The following SYNCRIP variants were observed in gnomAD, a reference collection of about 807,000 sequenced individuals.
SYNCRIP encodes the protein heterogeneous nuclear ribonucleoprotein Q.
A neutral mutation model predicts 68.9 loss-of-function variants in SYNCRIP; 9 were observed. The observed-to-expected ratio is 0.13, with a 90% confidence interval of 0.08 to 0.23. The LOEUF (loss-of-function observed/expected upper bound fraction) is 0.23, where lower values mean the gene tolerates loss of function less well. Among genes scored for constraint, SYNCRIP ranks in the 10% least tolerant of loss-of-function variants. The probability of loss-of-function intolerance (pLI) is 1.00; values close to 1 mark genes in which losing one functional copy is unlikely to be tolerated. For missense variants in SYNCRIP, 414 were observed against 770.6 expected (o/e 0.54, Z 5.48); for synonymous variants, 258 against 254.0 (o/e 1.02, Z -0.15).
rs4354118 is a variant in SYNCRIP, at chr6:85,640,698, A to C, written c.149-134T>G. 2,521 of 553,396 alleles carry C rather than the reference A, an allele frequency of 4.6e-3. 21 individuals carry two copies. Among genetic ancestry groups the C allele is most frequent in the South Asian group, 0.021 (665 of 32,338 alleles). 34.3% of individuals were successfully genotyped at this position (553,396 alleles called of 1,614,324 possible). On this transcript the variant is annotated intron_variant, in intron 2 of 10. Transcript: ENST00000369622. ...CCTCATCTATACCTGAAAAAAAAAA[A>C]ACACACACTTCAGCCACTCTGAACT...
intron 1 of SYNCRIP, among the ~76,000 whole-genome samples, chr6:85,642,150 C>T (rs1809246989): frequency 6.6e-6 from 1 of 152,172 alleles, no homozygotes; most frequent in Non-Finnish European, 1.5e-5. Flanking sequence ...AAAGCTGCAG[C>T]AGCACAATCT....
rs752235597 is a variant in SYNCRIP at position 85,624,034 on chromosome 6, A to G, written c.745T>C (p.Ser249Pro). Reference protein sequence around the residue: ...SVANNRLFVGSIPKSKTKEQI... With the variant: ...SVANNRLFVGPIPKSKTKEQI... ...TCCTTGGTTTTACTCTTAGGAATAG[A>G]GCCCACAAAAAGCCTATTGTTGGCA... is the stretch of plus-strand genomic sequence containing the variant. The change falls in exon 7 of 11, where the codon TCT becomes CCT. Residue 249 changes from serine to proline, a missense_variant. Physicochemically the swap from Ser to Pro is moderately conservative, Grantham distance 74. This residue lies in a region of SYNCRIP where 110 missense variants were observed against 269.3 expected (regional missense o/e 0.41). Coordinates refer to ENST00000369622, the MANE Select transcript of SYNCRIP (RefSeq NM_006372.5). The G allele has an allele frequency of 6.2e-7, 1 of 1,614,000 alleles. No homozygotes were observed. Among genetic ancestry groups the G allele is most frequent in the Non-Finnish European group, 8.5e-7 (1 of 1,179,942 alleles).
chr6:85,640,257 T>C lies in SYNCRIP; in HGVS notation c.339A>G (p.Ala113=), dbSNP rs775904233. The C allele has an allele frequency of 2.5e-6, 4 of 1,613,878 alleles. No homozygotes were observed. The South Asian group carries it at 3.3e-5, about 13-fold the overall frequency. The part of the protein sequence containing the change: ...RQREKQGTKV[A]DSSKGPDEAK... ...CCTCATCTGGTCCTTTACTAGAATC[T>C]GCTACTTTGGTCCCTTGTTTTTCTC... Residue 113 remains alanine (A), a synonymous_variant, in exon 4 of 11, where the codon GCA becomes GCG. Coordinates refer to ENST00000369622, the MANE Select transcript of SYNCRIP (RefSeq NM_006372.5).
At chr6:85,642,598 G>A (rs1469552836) in intron 1 of SYNCRIP, among the ~76,000 whole-genome samples, 199 bp downstream of exon 1, 3 of 152,192 alleles carry the variant, frequency 2.0e-5, no homozygotes, top group Admixed American at 6.5e-5. Flanking sequence ...GACAAAGCCC[G>A]AACCGCAGCA....
chr6:85,624,691 C>A (rs1184287350), intron 6 of SYNCRIP, among the ~76,000 whole-genome samples: 1 of 152,180 alleles, frequency 6.6e-6, no homozygotes, highest in African/African-American at 2.4e-5. Flanking sequence ...ACAGAAACAA[C>A]TTTAAAACTA....
intron 7 of SYNCRIP, among the ~76,000 whole-genome samples, 157 bp downstream of exon 7, chr6:85,623,817 GTTC>G (rs796516699): frequency 9.4e-4 from 143 of 152,268 alleles, no homozygotes; most frequent in African/African-American, 3.4e-3. Context: ...CTGAATGCCT[GTTC>G]TTCTTATCTG....
intron 10 of SYNCRIP, 112 bp from the exon 11 acceptor site, chr6:85,615,459 T>A: frequency 1.6e-6 from 1 of 638,784 alleles, no homozygotes; most frequent in Non-Finnish European, 2.5e-6. Context: ...ATAATTCACA[T>A]AACTTTAATA....
At chr6:85,632,051 A>AG (rs1473488066) in intron 6 of SYNCRIP, among the ~76,000 whole-genome samples, 1 of 152,218 alleles carries the variant, frequency 6.6e-6, no homozygotes, top group African/African-American at 2.4e-5. Context: ...GGCTAGAATC[A>AG]GGGTCATTTA....
intron 7 of SYNCRIP, among the ~76,000 whole-genome samples, chr6:85,623,493 G>A (rs1053610278): frequency 8.5e-5 from 12 of 140,422 alleles, no homozygotes; most frequent in Admixed American, 3.0e-4. Context: ...GAATCTGGGA[G>A]GCAGAGGCTG....
chr6:85,627,313 A>G (rs770769209), intron 6 of SYNCRIP, among the ~76,000 whole-genome samples: 3 of 152,000 alleles, frequency 2.0e-5, no homozygotes, highest in Non-Finnish European at 4.4e-5. Flanking sequence ...ATTACAGGTA[A>G]CACAGAGAGT....
At position 85,615,386 on chromosome 6, in the gene SYNCRIP, T is replaced by C. The variant is rs764193789; in HGVS notation, c.1281-39A>G. 3 of 1,354,486 alleles carry C rather than the reference T, an allele frequency of 2.2e-6. No homozygotes were observed. The African/African-American group carries it at 4.4e-5, about 20-fold the overall frequency. The allele number at this position is 1,354,486 out of a possible 1,614,324, so 83.9% of individuals were successfully genotyped here. ...GACAGAGATTAGAGTTTAAATCAAA[T>C]TACTTAGTTAACAAGTAGGCATTTA... On this transcript the variant is annotated intron_variant, in intron 10 of 10. Coordinates refer to ENST00000369622, the MANE Select transcript of SYNCRIP (RefSeq NM_006372.5).
Position 85,636,526 on chromosome 6 carries a change from T to C in SYNCRIP, c.666+441A>G, listed in dbSNP as rs548354702. The stretch of plus-strand genomic sequence containing the variant: ...GGTCCTTACCTAACATCTGGTATTT[T>C]TAAATCAAACATTGCCACTCACCAT... On this transcript the variant is annotated intron_variant, in intron 6 of 10. Coordinates refer to ENST00000369622, the MANE Select transcript of SYNCRIP (RefSeq NM_006372.5). Among the ~76,000 whole-genome samples the C allele has an allele frequency of 2.6e-5, 4 of 152,340 alleles. No homozygotes were observed. In the South Asian group the frequency reaches 8.3e-4, roughly 32 times the overall value.
At chr6:85,624,628 A>G (rs1046173721) in intron 6 of SYNCRIP, among the ~76,000 whole-genome samples, 2 of 152,236 alleles carry the variant, frequency 1.3e-5, no homozygotes, top group African/African-American at 2.4e-5. Context: ...TTCATTATGC[A>G]TATAACAAAT....
At chr6:85,634,181 T>C (rs537114864) in intron 6 of SYNCRIP, among the ~76,000 whole-genome samples, 1 of 152,328 alleles carries the variant, frequency 6.6e-6, no homozygotes, top group South Asian at 2.1e-4. Context: ...TAATTTAACG[T>C]ATTTATTAAA....
At chr6:85,631,327 TG>T (rs1807750527) in intron 6 of SYNCRIP, among the ~76,000 whole-genome samples, 1 of 108,782 alleles carries the variant, frequency 9.2e-6, no homozygotes, top group Non-Finnish European at 1.7e-5. Flanking sequence ...TGACAAAGCA[TG>T]ACTGTGTCTC....
At chr6:85,624,169 A>C in intron 6 of SYNCRIP, 57 bp from the exon 7 acceptor site, 2 of 1,524,290 alleles carry the variant, frequency 1.3e-6, no homozygotes, top group Non-Finnish European at 1.8e-6. Flanking sequence ...TAGAACAGTT[A>C]ATTATAAAAG....
chr6:85,613,538 G>GTATAGAC (rs1419185035), downstream of SYNCRIP, among the ~76,000 whole-genome samples: 3 of 152,262 alleles, frequency 2.0e-5, no homozygotes, highest in African/African-American at 7.2e-5. Flanking sequence ...ACTGTTAGAA[G>GTATAGAC]TATAGACCAT....
chr6:85,627,703 G>A lies in SYNCRIP; in HGVS notation c.667-3591C>T, dbSNP rs530250507. Among the ~76,000 whole-genome samples the A allele has an allele frequency of 4.6e-5, 7 of 152,230 alleles. No homozygotes were observed. In the South Asian group the frequency reaches 1.5e-3, roughly 32 times the overall value. Reference sequence around the variant, plus strand: ...AAAAACGAGCACACACACACAAAAAGTCTTATCTTTCCTACTCTAGAAAGG... The same window carrying A: ...AAAAACGAGCACACACACACAAAAAATCTTATCTTTCCTACTCTAGAAAGG... On this transcript the variant is annotated intron_variant, in intron 6 of 10. Coordinates refer to ENST00000369622, the MANE Select transcript of SYNCRIP (RefSeq NM_006372.5).
chr6:85,629,714 C>T lies in SYNCRIP; in HGVS notation c.667-5602G>A, dbSNP rs563420762. Among the ~76,000 whole-genome samples, 50 of 151,858 alleles carry T rather than the reference C, an allele frequency of 3.3e-4. 1 individual carries two copies. In the East Asian group the frequency reaches 8.9e-3, roughly 27 times the overall value. On this transcript the variant is annotated intron_variant, in intron 6 of 10. Coordinates refer to ENST00000369622, the MANE Select transcript of SYNCRIP (RefSeq NM_006372.5). ...GTGCTCACCTGTAGTCCCAGCTACTCGGGAGGCTGAGGCAGAAGAATCGCT... is the reference window on the plus strand; with the variant it reads ...GTGCTCACCTGTAGTCCCAGCTACTTGGGAGGCTGAGGCAGAAGAATCGCT...
Sources: allele counts gnomAD v4.1 joint callset (sites outside exome capture counted in the v4.1 genomes callset), GRCh38; gene constraint gnomAD v4.1.1; regional missense constraint gnomAD v4.1.1; transcripts MANE v1.5; gene names NCBI Gene and HGNC (gene_info 2026-07-23, HGNC 2026-07-21).